The following MCF2L variants were observed in gnomAD, a reference collection of about 807,000 sequenced individuals.
MCF2L encodes the protein guanine nucleotide exchange factor DBS.
A neutral mutation model predicts 153.4 loss-of-function variants in MCF2L; 97 were observed. The observed-to-expected ratio is 0.63, with a 90% CI of 0.54 to 0.75. MCF2L has a LOEUF of 0.75. Ranked by LOEUF, MCF2L falls within the 30% of genes least tolerant of loss-of-function variation. The pLI, the probability that MCF2L is intolerant of heterozygous loss-of-function variation, is 0.00. For missense variants in MCF2L, 1,347 were observed against 1,495.2 expected (o/e 0.90, Z 1.64); for synonymous variants, 659 against 632.2 (o/e 1.04, Z -0.64).
chr13:113,083,016 G>A (rs1183451231), intron 17 of MCF2L, among the ~76,000 whole-genome samples: 1 of 152,160 alleles, frequency 6.6e-6, no homozygotes, highest in African/African-American at 2.4e-5. Context: ...TACCCATCAT[G>A]GGGGCTGCTT....
chr13:112,938,278 G>C (rs1455027658), intron 2 of MCF2L, among the ~76,000 whole-genome samples: 2 of 149,586 alleles, frequency 1.3e-5, no homozygotes, highest in African/African-American at 2.5e-5. Flanking sequence ...GTTCAGGTGA[G>C]CGCTGATGGG....
At chr13:112,989,320 A>G (rs111754252) in intron 1 of MCF2L, among the ~76,000 whole-genome samples, 119 of 54,374 alleles carry the variant, frequency 2.2e-3, no homozygotes, top group Middle Eastern at 0.016. Flanking sequence ...AGGGGATGGA[A>G]CTACCACGCC....
upstream of MCF2L, chr13:112,965,997 C>G (rs1247276575): frequency 1.3e-5 from 2 of 152,194 alleles, no homozygotes; most frequent in Non-Finnish European, 2.9e-5. Context: ...CATCTTTGTG[C>G]CTCTGTGTGG....
intron 1 of MCF2L, among the ~76,000 whole-genome samples, chr13:112,987,724 A>C (rs537769781): frequency 6.6e-6 from 1 of 152,232 alleles, no homozygotes; most frequent in African/African-American, 2.4e-5. Context: ...CCGGCCTCTC[A>C]TCCCTGTCCA....
At chr13:113,080,197 C>A in intron 15 of MCF2L, among the ~76,000 whole-genome samples, 1 of 142,104 alleles carries the variant, frequency 7.0e-6, no homozygotes, top group Admixed American at 7.0e-5. Flanking sequence ...AGGGGGGCAT[C>A]CGCACAGAGG....
intron 1 of MCF2L, among the ~76,000 whole-genome samples, chr13:112,899,997 T>C (rs1219761756): frequency 1.3e-5 from 2 of 152,164 alleles, no homozygotes; most frequent in African/African-American, 2.4e-5. Flanking sequence ...TCATGCCTGG[T>C]GTCTACAGAG....
intron 2 of MCF2L, among the ~76,000 whole-genome samples, chr13:112,959,299 G>A (rs557574547): frequency 2.6e-5 from 4 of 152,184 alleles, no homozygotes; most frequent in Admixed American, 6.5e-5. Flanking sequence ...AGCAGTTGGC[G>A]TGTCAGTTAT....
At position 113,081,241 on chromosome 13, in the gene MCF2L, G is replaced by C. The variant is rs1391793357; in HGVS notation, c.1837G>C (p.Glu613Gln). 6.3e-7 allele frequency: 1 copy of C among 1,593,266 alleles called. No homozygotes were observed. Among genetic ancestry groups the C allele is most frequent in the Non-Finnish European group, 8.5e-7 (1 of 1,171,094 alleles). ...CGTGATGAGCGAGCTCCTGGACACA[G>C]AACGGGCCTACGTGGAGGAGCTGCT... Reference protein sequence around the residue: ...RHVMSELLDTERAYVEELLCV... With the variant: ...RHVMSELLDTQRAYVEELLCV... The change falls in exon 16 of 30, where the codon GAA (glutamate) becomes CAA (glutamine). Residue 613 changes from glutamate (E) to glutamine (Q), a missense_variant. Transcript: ENST00000535094.
intron 2 of MCF2L, among the ~76,000 whole-genome samples, chr13:112,947,523 G>A (rs1255580944): frequency 6.6e-6 from 1 of 152,232 alleles, no homozygotes; most frequent in Non-Finnish European, 1.5e-5. Flanking sequence ...GCATAGGACA[G>A]ACATTTCCCT....
At position 113,070,115 on chromosome 13, in the gene MCF2L, A is replaced by T. The variant is rs1047262347; in HGVS notation, c.938A>T (p.His313Leu). Residue 313 changes from histidine (H) to leucine (L), a missense_variant, in exon 9 of 30, where the codon CAT becomes CTT. Physicochemically the swap from His to Leu is moderately conservative, Grantham distance 99. Transcript: ENST00000535094. This position sits in a 1 kb window ranked among gnomAD's most constrained non-coding sequence, Gnocchi z 5.6. ...EAAFDEFWAK[H>L]QQKLEQCLQL... ...GCCTTCGATGAGTTCTGGGCAAAGC[A>T]TCAGCAGAAACTGGAGCAGTGTCTG... is the stretch of plus-strand genomic sequence containing the variant. 1 of 1,609,940 alleles carries T rather than the reference A, an allele frequency of 6.2e-7. No individual in the cohort carries two copies. The highest frequency in any genetic ancestry group is 1.3e-5 in the African/African-American group (1 of 74,578).
At chr13:113,088,534 A>G in intron 24 of MCF2L, 28 bp from the exon 25 acceptor site, 5 of 1,611,756 alleles carry the variant, frequency 3.1e-6, no homozygotes, top group Non-Finnish European at 4.2e-6. Context: ...ACGCTCGTTC[A>G]CGTGGTTTGT....
At position 113,074,668 on chromosome 13, in the gene MCF2L, C is replaced by T; in HGVS notation, c.1116+105C>T. 1.3e-6 allele frequency: 2 copies of T among 1,501,576 alleles called. No homozygotes were observed. Among genetic ancestry groups the T allele is most frequent in the African/African-American group, 1.4e-5 (1 of 73,028 alleles). 93.0% of individuals were successfully genotyped at this position (1,501,576 alleles called of 1,614,324 possible). A position where few individuals can be genotyped will look rare whatever the true frequency, so the allele number is the denominator to read the frequency against. ...GCCTCCCGCCTACGGAGAACGGACCCCACAGCCCCCCGGGGATGTCCATGG... is the reference window on the plus strand; with the variant it reads ...GCCTCCCGCCTACGGAGAACGGACCTCACAGCCCCCCGGGGATGTCCATGG... On this transcript the variant is annotated intron_variant, in intron 10 of 29. Coordinates refer to ENST00000535094, the MANE Select transcript of MCF2L (RefSeq NM_001112732.3). The surrounding 1 kb of genome is among the most constrained non-coding windows in gnomAD (Gnocchi z 4.2).
At position 113,035,295 on chromosome 13, in the gene MCF2L, C is replaced by T. The variant is rs1328682957; in HGVS notation, c.279-9976C>T. Among the ~76,000 whole-genome samples, 1 of 152,206 alleles carries T rather than the reference C, an allele frequency of 6.6e-6. No homozygotes were observed. The highest frequency in any genetic ancestry group is 2.4e-5 in the African/African-American group (1 of 41,452). ...ACTTATGAATCGTGCATATTTTACT[C>T]TAAGGCCTGTCTGTAAACCCTAATA... On this transcript the variant is annotated intron_variant, in intron 3 of 29. Transcript: ENST00000535094. This position sits in a 1 kb window ranked among gnomAD's most constrained non-coding sequence, Gnocchi z 4.4.
chr13:112,894,806 C>G (rs867192701), intron 1 of MCF2L, among the ~76,000 whole-genome samples: 5 of 152,144 alleles, frequency 3.3e-5, no homozygotes, highest in African/African-American at 9.7e-5. Flanking sequence ...CCTCGTAGGA[C>G]CACCCCGGGA....
chr13:112,968,402 A>T, upstream of MCF2L: 1 of 1,548,696 alleles, frequency 6.5e-7, no homozygotes. Context: ...CACGAGCTGG[A>T]ATCTGCAGGT....
At chr13:112,985,137 C>T (rs374166424) in intron 1 of MCF2L, 55 of 283,888 alleles carry the variant, frequency 1.9e-4, no homozygotes, top group African/African-American at 9.5e-4. Flanking sequence ...AAGTTCCTCT[C>T]GGGCGGGCAC....
At chr13:112,944,092 C>G (rs1363335619) in intron 2 of MCF2L, among the ~76,000 whole-genome samples, 1 of 141,832 alleles carries the variant, frequency 7.1e-6, no homozygotes, top group Non-Finnish European at 1.5e-5. Context: ...GGAAGGGTTC[C>G]GGACCATGAG....
intron 2 of MCF2L, among the ~76,000 whole-genome samples, chr13:113,022,288 C>T (rs1218719256): frequency 6.6e-6 from 1 of 152,104 alleles, no homozygotes; most frequent in Non-Finnish European, 1.5e-5. Context: ...GCTGCCTCCA[C>T]GTTTGGGCAT....
intron 4 of MCF2L, among the ~76,000 whole-genome samples, chr13:113,055,763 C>T (rs1159112452): frequency 1.3e-5 from 2 of 152,204 alleles, no homozygotes; most frequent in East Asian, 1.9e-4. Context: ...TCAGCCTGTC[C>T]GTCACAGCAT....
Sources: allele counts gnomAD v4.1 joint callset (sites outside exome capture counted in the v4.1 genomes callset), GRCh38; gene constraint gnomAD v4.1.1; non-coding constraint Gnocchi (gnomAD v3.1); transcripts MANE v1.5; gene names NCBI Gene and HGNC (gene_info 2026-07-23, HGNC 2026-07-21).